OR2S2: variants seen among roughly 807,000 people sequenced by gnomAD.
The protein encoded by OR2S2 is olfactory receptor family 2 subfamily S member 2.
For missense variants in OR2S2, 365 were observed against 389.5 expected (o/e 0.94, Z 0.53); for synonymous variants, 153 against 159.3 (o/e 0.96, Z 0.30).
rs186749928 is a variant in OR2S2 at position 35,957,880 on chromosome 9, G to T, written c.219C>A (p.Cys73Ter). The change falls in exon 1 of 1, where the codon TGC becomes TGA. Residue 73 changes from cysteine (C) to a stop codon, truncating the protein, a stop_gained. Transcript: ENST00000341959. LOFTEE classifies it low-confidence loss of function (END_TRUNC). ...CCAGTGGGACTGAGGAGGTAGTGAA[G>T]CAGATGTCCAGGAAGGAGAGGTTCC... is the stretch of plus-strand genomic sequence containing the variant. ...FLGNLSFLDI[C>*]FTTSSVPLVL... 162 of 1,614,194 alleles carry T rather than the reference G, an allele frequency of 1.0e-4. No individual in the cohort carries two copies. The East Asian group carries it at 3.4e-3, about 34-fold the overall frequency.
At position 35,957,339 on chromosome 9, in the gene OR2S2, C is replaced by T. The variant is rs149833505; in HGVS notation, c.760G>A (p.Gly254Arg). The stretch of plus-strand genomic sequence containing the variant: ...TTCCCATACATGAAGAATAAGGTCC[C>T]GTAGAAGACGATCACCACGGTGAGG... Reference protein sequence around the residue: ...AHLTVVIVFYGTLFFMYGKPK... With the variant: ...AHLTVVIVFYRTLFFMYGKPK... Residue 254 changes from glycine (G) to arginine (R), a missense_variant, in exon 1 of 1, where the codon GGG becomes AGG. Coordinates refer to ENST00000341959, the MANE Select transcript of OR2S2 (RefSeq NM_019897.2). 115 of 1,614,006 alleles carry T rather than the reference C, an allele frequency of 7.1e-5. No individual in the cohort carries two copies. Among genetic ancestry groups the T allele is most frequent in the Non-Finnish European group, 9.3e-5 (110 of 1,180,040 alleles).
At position 35,957,880 on chromosome 9, in the gene OR2S2, G is replaced by A; in HGVS notation, c.219C>T (p.Cys73=). ...CCAGTGGGACTGAGGAGGTAGTGAA[G>A]CAGATGTCCAGGAAGGAGAGGTTCC... ...FLGNLSFLDI[C]FTTSSVPLVL... The change falls in exon 1 of 1, where the codon TGC becomes TGT. Residue 73 remains cysteine, a synonymous_variant. Transcript: ENST00000341959. 1 of 1,614,194 alleles carries A rather than the reference G, an allele frequency of 6.2e-7. No homozygotes were observed. Among genetic ancestry groups the A allele is most frequent in the Non-Finnish European group, 8.5e-7 (1 of 1,180,012 alleles).
In OR2S2 at chr9:35,957,647, G is replaced by T; in HGVS notation, c.452C>A (p.Ala151Asp). Residue 151 changes from alanine (A) to aspartate (D), a missense_variant, in exon 1 of 1, where the codon GCT becomes GAT. Physicochemically the swap from Ala to Asp is moderately radical, Grantham distance 126. Coordinates refer to ENST00000341959, the MANE Select transcript of OR2S2 (RefSeq NM_019897.2). ...TACCACGGAAGCAGCACCACCAATA[G>T]CCCAGGAGCTGGCAGCCATGGGCAT... ...AYMPMAASSW[A>D]IGGAASVVHT... The T allele has an allele frequency of 1.2e-6, 2 of 1,614,220 alleles. No individual in the cohort carries two copies. The highest frequency in any genetic ancestry group is 1.1e-5 in the South Asian group (1 of 91,084).
At position 35,957,509 on chromosome 9, in the gene OR2S2, A is replaced by C; in HGVS notation, c.590T>G (p.Val197Gly). The change falls in exon 1 of 1, where the codon GTG becomes GGG. Residue 197 changes from valine (V) to glycine (G), a missense_variant. Physicochemically the swap from Val to Gly is moderately radical, Grantham distance 109. Coordinates refer to ENST00000341959, the MANE Select transcript of OR2S2 (RefSeq NM_019897.2). The part of the protein sequence containing the change: ...KLACADISIN[V>G]ISMEVTNVIF... The stretch of plus-strand genomic sequence containing the variant: ...CACATTCGTCACCTCCATGCTGATC[A>C]CATTGATGGAAATGTCAGCACAGGC... 1 of 1,614,218 alleles carries C rather than the reference A, an allele frequency of 6.2e-7. No individual in the cohort carries two copies. The highest frequency in any genetic ancestry group is 8.5e-7 in the Non-Finnish European group (1 of 1,180,042).
In OR2S2 at chr9:35,957,118, T is replaced by C; in HGVS notation, c.*21A>G. On this transcript the variant is annotated 3_prime_UTR_variant, in exon 1 of 1. Coordinates refer to ENST00000341959, the MANE Select transcript of OR2S2 (RefSeq NM_019897.2). ...TTCCTTACTTCCATGTGGGTGACAA[T>C]CACAGAGGACCCTTCCACCATCACT... is the stretch of plus-strand genomic sequence containing the variant. 6.5e-7 allele frequency: 1 copy of C among 1,541,066 alleles called. No individual in the cohort carries two copies. Among genetic ancestry groups the C allele is most frequent in the Non-Finnish European group, 8.7e-7 (1 of 1,146,116 alleles).
rs753359039 is a variant in OR2S2 at position 35,957,658 on chromosome 9, G to A, written c.441C>T (p.Ala147=). The A allele has an allele frequency of 2.5e-6, 4 of 1,614,110 alleles. No homozygotes were observed. In the African/African-American group the frequency reaches 5.3e-5, roughly 22 times the overall value. Residue 147 remains alanine (A), a synonymous_variant, in exon 1 of 1, where the codon GCC becomes GCT. Coordinates refer to ENST00000341959, the MANE Select transcript of OR2S2 (RefSeq NM_019897.2). Reference sequence around the variant, plus strand: ...CAGCACCACCAATAGCCCAGGAGCTGGCAGCCATGGGCATGTAGGCAGCCT... The same window carrying A: ...CAGCACCACCAATAGCCCAGGAGCTAGCAGCCATGGGCATGTAGGCAGCCT... ...MSKAAYMPMA[A]SSWAIGGAAS...
rs753023196 is a variant in OR2S2, at chr9:35,957,294, T to A, written c.805A>T (p.Met269Leu). 6.2e-6 allele frequency: 10 copies of A among 1,614,156 alleles called. No homozygotes were observed. The highest frequency in any genetic ancestry group is 5.1e-6 in the Non-Finnish European group (6 of 1,180,032). ...GAAAGATCCTCTTTGTCTGCTCCCA[T>A]GGAGTCCTTAGACTTAGGCTTCCCA... The part of the protein sequence containing the change: ...MYGKPKSKDS[M>L]GADKEDLSDK... The change falls in exon 1 of 1, where the codon ATG becomes TTG. Residue 269 changes from methionine to leucine, a missense_variant. Met to Leu is a conservative substitution (Grantham distance 15). Coordinates refer to ENST00000341959, the MANE Select transcript of OR2S2 (RefSeq NM_019897.2).
At position 35,957,864 on chromosome 9, in the gene OR2S2, C is replaced by T; in HGVS notation, c.235G>A (p.Val79Ile). The T allele has an allele frequency of 1.2e-6, 2 of 1,614,070 alleles. No individual in the cohort carries two copies. Among genetic ancestry groups the T allele is most frequent in the Non-Finnish European group, 1.7e-6 (2 of 1,180,006 alleles). Residue 79 changes from valine (V) to isoleucine (I), a missense_variant, in exon 1 of 1, where the codon GTC becomes ATC. Coordinates refer to ENST00000341959, the MANE Select transcript of OR2S2 (RefSeq NM_019897.2). ...AAAAAGCTGTCCAGGACCAGTGGGA[C>T]TGAGGAGGTAGTGAAGCAGATGTCC... ...FLDICFTTSSVPLVLDSFLTP... is the reference protein window; with the variant it reads ...FLDICFTTSSIPLVLDSFLTP...
chr9:35,957,443 T>G lies in OR2S2; in HGVS notation c.656A>C (p.Tyr219Ser). The change falls in exon 1 of 1, where the codon TAT becomes TCT. Residue 219 changes from tyrosine (Y) to serine (S), a missense_variant. Transcript: ENST00000341959. ...GVPVLFISFS[Y>S]VFIITTILRI... The stretch of plus-strand genomic sequence containing the variant: ...CAGGATGGTGGTGATGATGAAGACA[T>G]AGGAGAAAGAGATGAACAGAACCGG... 6 of 1,613,842 alleles carry G rather than the reference T, an allele frequency of 3.7e-6. No homozygotes were observed. The highest frequency in any genetic ancestry group is 1.3e-5 in the African/African-American group (1 of 74,924).
Position 35,957,359 on chromosome 9 carries a change from G to A in OR2S2, c.740C>T (p.Thr247Ile). 1 of 1,614,180 alleles carries A rather than the reference G, an allele frequency of 6.2e-7. No individual in the cohort carries two copies. ...KVFSTCSAHL[T>I]VVIVFYGTLF... ...GGTCCCGTAGAAGACGATCACCACG[G>A]TGAGGTGGGCAGAGCAGGTGGAGAA... The change falls in exon 1 of 1, where the codon ACC becomes ATC. Residue 247 changes from threonine (T) to isoleucine (I), a missense_variant. By Grantham distance (89) the Thr-to-Ile change is moderately conservative. Coordinates refer to ENST00000341959, the MANE Select transcript of OR2S2 (RefSeq NM_019897.2).
rs2233559 is a variant in OR2S2 at position 35,958,011 on chromosome 9, C to A, written c.88G>T (p.Val30Leu). Residue 30 changes from valine to leucine, a missense_variant, in exon 1 of 1, where the codon GTG becomes TTG. Physicochemically the swap from Val to Leu is conservative, Grantham distance 32. Coordinates refer to ENST00000341959, the MANE Select transcript of OR2S2 (RefSeq NM_019897.2). ...ACGAGGTACATCAGCAGGATGAGCA[C>A]GAAGAATGTCTTTTCCAGCTCTGGG... ...AHPELEKTFF[V>L]LILLMYLVIL... 6.2e-7 allele frequency: 1 copy of A among 1,614,020 alleles called. No homozygotes were observed. The highest frequency in any genetic ancestry group is 2.2e-5 in the East Asian group (1 of 44,886).
Position 35,957,818 on chromosome 9 carries a change from G to A in OR2S2, c.281C>T (p.Ser94Phe). The change falls in exon 1 of 1, where the codon TCC becomes TTC. Residue 94 changes from serine to phenylalanine, a missense_variant. Ser to Phe is a radical substitution (Grantham distance 155). Coordinates refer to ENST00000341959, the MANE Select transcript of OR2S2 (RefSeq NM_019897.2). ...CATCTGCACAGCACAGGCTGAGAAGGAGATGGTTTCCTGGGGAGTCAAAAA... is the reference window on the plus strand; with the variant it reads ...CATCTGCACAGCACAGGCTGAGAAGAAGATGGTTTCCTGGGGAGTCAAAAA... ...DSFLTPQETISFSACAVQMAL... is the reference protein window; with the variant it reads ...DSFLTPQETIFFSACAVQMAL... The A allele has an allele frequency of 6.2e-7, 1 of 1,614,214 alleles. No individual in the cohort carries two copies. The highest frequency in any genetic ancestry group is 8.5e-7 in the Non-Finnish European group (1 of 1,180,030).
rs1386179249 is a variant in OR2S2 at position 35,957,421 on chromosome 9, G to C, written c.678C>G (p.Ile226Met). 15 of 1,614,098 alleles carry C rather than the reference G, an allele frequency of 9.3e-6. No homozygotes were observed. The East Asian group carries it at 3.1e-4, about 34-fold the overall frequency. ...TCCCCTCAGCTGAGGGGATCCTCAG[G>C]ATGGTGGTGATGATGAAGACATAGG... is the stretch of plus-strand genomic sequence containing the variant. ...SFSYVFIITT[I>M]LRIPSAEGRK... is the part of the protein sequence containing the mutation. The change falls in exon 1 of 1, where the codon ATC becomes ATG. Residue 226 changes from isoleucine (I) to methionine (M), a missense_variant. Transcript: ENST00000341959.
At position 35,957,963 on chromosome 9, in the gene OR2S2, G is replaced by T; in HGVS notation, c.136C>A (p.Leu46Ile). 1 of 1,614,172 alleles carries T rather than the reference G, an allele frequency of 6.2e-7. No individual in the cohort carries two copies. The highest frequency in any genetic ancestry group is 8.5e-7 in the Non-Finnish European group (1 of 1,180,024). Residue 46 changes from leucine to isoleucine, a missense_variant, in exon 1 of 1, where the codon CTC becomes ATC. Physicochemically the swap from Leu to Ile is conservative, Grantham distance 5. Coordinates refer to ENST00000341959, the MANE Select transcript of OR2S2 (RefSeq NM_019897.2). ...GAGTCAAGGATGGTCACCAGGATGAGGACCCCATTGCCCAGCAGGATCACG... is the reference window on the plus strand; with the variant it reads ...GAGTCAAGGATGGTCACCAGGATGATGACCCCATTGCCCAGCAGGATCACG... Reference protein sequence around the residue: ...YLVILLGNGVLILVTILDSRL... With the variant: ...YLVILLGNGVIILVTILDSRL...
chr9:35,957,891 G>A lies in OR2S2; in HGVS notation c.208C>T (p.Leu70=). The A allele has an allele frequency of 6.2e-7, 1 of 1,614,194 alleles. No homozygotes were observed. Among genetic ancestry groups the A allele is most frequent in the Non-Finnish European group, 8.5e-7 (1 of 1,180,008 alleles). The change falls in exon 1 of 1, where the codon CTG becomes TTG. Residue 70 remains leucine (L), a synonymous_variant. Transcript: ENST00000341959. ...MYFFLGNLSF[L]DICFTTSSVP... is the part of the protein sequence containing the mutation. ...GAGGAGGTAGTGAAGCAGATGTCCAGGAAGGAGAGGTTCCCTAGGAAGAAG... is the reference window on the plus strand; with the variant it reads ...GAGGAGGTAGTGAAGCAGATGTCCAAGAAGGAGAGGTTCCCTAGGAAGAAG...
rs760560031 is a variant in OR2S2, at chr9:35,958,004, A to G, written c.95T>C (p.Ile32Thr). 1.9e-5 allele frequency: 31 copies of G among 1,614,120 alleles called. No individual in the cohort carries two copies. Among genetic ancestry groups the G allele is most frequent in the Non-Finnish European group, 2.5e-5 (29 of 1,180,050 alleles). The change falls in exon 1 of 1, where the codon ATC becomes ACC. Residue 32 changes from isoleucine (I) to threonine (T), a missense_variant. Physicochemically the swap from Ile to Thr is moderately conservative, Grantham distance 89 (BLOSUM62 -1). Coordinates refer to ENST00000341959, the MANE Select transcript of OR2S2 (RefSeq NM_019897.2). ...CAGGATCACGAGGTACATCAGCAGG[A>G]TGAGCACGAAGAATGTCTTTTCCAG... ...PELEKTFFVL[I>T]LLMYLVILLG...
Position 35,957,368 on chromosome 9 carries a change from G to A in OR2S2, c.731C>T (p.Ala244Val), listed in dbSNP as rs534148039. ...GRKKVFSTCSAHLTVVIVFYG... is the reference protein window; with the variant it reads ...GRKKVFSTCSVHLTVVIVFYG... ...GAAGACGATCACCACGGTGAGGTGG[G>A]CAGAGCAGGTGGAGAAGACCTTTTT... is the stretch of plus-strand genomic sequence containing the variant. The change falls in exon 1 of 1, where the codon GCC becomes GTC. Residue 244 changes from alanine to valine, a missense_variant. Ala to Val is a moderately conservative substitution (Grantham distance 64). Transcript: ENST00000341959. 1 of 1,614,042 alleles carries A rather than the reference G, an allele frequency of 6.2e-7. No homozygotes were observed. The highest frequency in any genetic ancestry group is 1.7e-5 in the Admixed American group (1 of 60,014).
chr9:35,957,710 G>A lies in OR2S2; in HGVS notation c.389C>T (p.Pro130Leu), dbSNP rs766667373. 10 of 1,614,096 alleles carry A rather than the reference G, an allele frequency of 6.2e-6. No homozygotes were observed. The South Asian group carries it at 9.9e-5, about 16-fold the overall frequency. ...GCTCATGATCACGGAGTACCTAAGG[G>A]GGTTGCAGATGGCCACATAGCGATC... is the stretch of plus-strand genomic sequence containing the variant. ...AFDRYVAICN[P>L]LRYSVIMSKA... Residue 130 changes from proline (P) to leucine (L), a missense_variant, in exon 1 of 1, where the codon CCC (proline) becomes CTC (leucine). Coordinates refer to ENST00000341959, the MANE Select transcript of OR2S2 (RefSeq NM_019897.2).
In OR2S2 at chr9:35,957,438, A is replaced by G. The variant is rs773046052; in HGVS notation, c.661T>C (p.Phe221Leu). The G allele has an allele frequency of 2.5e-6, 4 of 1,614,082 alleles. No individual in the cohort carries two copies. The East Asian group carries it at 8.9e-5, about 36-fold the overall frequency. Residue 221 changes from phenylalanine (F) to leucine (L), a missense_variant, in exon 1 of 1, where the codon TTC becomes CTC. Coordinates refer to ENST00000341959, the MANE Select transcript of OR2S2 (RefSeq NM_019897.2). The stretch of plus-strand genomic sequence containing the variant: ...ATCCTCAGGATGGTGGTGATGATGA[A>G]GACATAGGAGAAAGAGATGAACAGA... Reference protein sequence around the residue: ...PVLFISFSYVFIITTILRIPS... With the variant: ...PVLFISFSYVLIITTILRIPS...
Sources: gnomAD v4.1 joint callset for allele counts on GRCh38, gnomAD v4.1.1 for gene constraint, MANE v1.5 for transcripts, NCBI Gene and HGNC (gene_info 2026-07-23, HGNC 2026-07-21) for gene names.